The following USP47 variants were observed in gnomAD, a reference collection of about 807,000 sequenced individuals.
USP47 encodes ubiquitin specific peptidase 47, also known as ubiquitin carboxyl-terminal hydrolase 47.
In USP47, 35 loss-of-function variants were observed where a neutral mutation model predicts 165.1. The observed-to-expected ratio is 0.21, with a 90% CI of 0.16 to 0.28. The LOEUF is 0.28. Among genes scored for constraint, USP47 ranks in the 10% least tolerant of loss-of-function variants. The probability of loss-of-function intolerance (pLI) is 1.00; values close to 1 mark genes in which losing one functional copy is unlikely to be tolerated. For synonymous variants in USP47, 531 were observed against 544.5 expected (o/e 0.98, Z 0.35); for missense variants, 1,277 against 1,607.4 (o/e 0.79, Z 3.52).
At chr11:11,928,976 G>A (rs1362569505) in intron 11 of USP47, among the ~76,000 whole-genome samples, 1 of 151,942 alleles carries the variant, frequency 6.6e-6, no homozygotes, top group Non-Finnish European at 1.5e-5. Context: ...TGATATCACA[G>A]ATAATGCATA....
intron 1 of USP47, among the ~76,000 whole-genome samples, chr11:11,857,112 A>G (rs886074174): frequency 3.3e-5 from 5 of 151,992 alleles, no homozygotes; most frequent in Non-Finnish European, 7.4e-5. Context: ...GCTCTGGATT[A>G]TAAACCTAGT....
chr11:11,854,087 A>T (rs1370033020), intron 1 of USP47, among the ~76,000 whole-genome samples: 1 of 144,018 alleles, frequency 6.9e-6, no homozygotes, highest in Non-Finnish European at 1.6e-5. Context: ...GTGAACCGAG[A>T]TCGCACCACT....
chr11:11,939,123 C>A (rs940957406), intron 18 of USP47, among the ~76,000 whole-genome samples: 1 of 151,826 alleles, frequency 6.6e-6, no homozygotes, highest in African/African-American at 2.4e-5. Context: ...ACAATGAAAA[C>A]ATTCAAATTT....
At chr11:11,922,703 A>C (rs777112090) in intron 10 of USP47, 21 bp from the exon 11 acceptor site, 1 of 1,597,128 alleles carries the variant, frequency 6.3e-7, no homozygotes, top group Admixed American at 1.7e-5. Flanking sequence ...TTTATAACTA[A>C]GATAATTATG....
At chr11:11,939,255 A>G (rs766648345) in intron 18 of USP47, among the ~76,000 whole-genome samples, 6 of 152,056 alleles carry the variant, frequency 3.9e-5, no homozygotes, top group Non-Finnish European at 8.8e-5. Flanking sequence ...ACCGTAGGTT[A>G]ATATTCCCTG....
intron 2 of USP47, 39 bp from the exon 3 acceptor site, chr11:11,884,428 G>A (rs1223952690): frequency 4.3e-6 from 6 of 1,410,770 alleles, no homozygotes; most frequent in Non-Finnish European, 5.8e-6. Context: ...CTTATTTTAT[G>A]TTTCTCATAA....
intron 10 of USP47, among the ~76,000 whole-genome samples, chr11:11,921,724 T>C (rs956979029): frequency 1.3e-5 from 2 of 151,842 alleles, no homozygotes; most frequent in Non-Finnish European, 3.0e-5. Context: ...GAAAATTTTT[T>C]CCAAAGAAGG....
intron 8 of USP47, among the ~76,000 whole-genome samples, chr11:11,909,891 T>C (rs1852837563): frequency 6.6e-6 from 1 of 152,176 alleles, no homozygotes; most frequent in Admixed American, 6.5e-5. Flanking sequence ...TTTACACAAG[T>C]TTATATTATA....
chr11:11,904,552 A>G (rs894324872), intron 7 of USP47, among the ~76,000 whole-genome samples: 2 of 152,100 alleles, frequency 1.3e-5, no homozygotes, highest in Non-Finnish European at 2.9e-5. Context: ...TTTCTTCTTC[A>G]TAGATCTGAA....
At position 11,931,979 on chromosome 11, in the gene USP47, C is replaced by T. The variant is rs1044534112; in HGVS notation, c.1652-1025C>T. Among the ~76,000 whole-genome samples the T allele has an allele frequency of 2.0e-5, 3 of 152,210 alleles. No individual in the cohort carries two copies. The South Asian group carries it at 6.2e-4, about 32-fold the overall frequency. The stretch of plus-strand genomic sequence containing the variant: ...CTCACAAATTATATCAGGCTGTCCT[C>T]GCATTGCTATAAAGAAATACCCAAA... On this transcript the variant is annotated intron_variant, in intron 14 of 27. Coordinates refer to ENST00000527733, the MANE Select transcript of USP47 (RefSeq NM_001282659.2).
At chr11:11,876,217 A>G (rs1172651381) in intron 1 of USP47, among the ~76,000 whole-genome samples, 2 of 151,474 alleles carry the variant, frequency 1.3e-5, no homozygotes, top group Non-Finnish European at 2.9e-5. Context: ...AGGCTTTTCT[A>G]AAATTTTACA....
At chr11:11,878,306 GA>G (rs1245266736) in intron 1 of USP47, among the ~76,000 whole-genome samples, 1 of 152,112 alleles carries the variant, frequency 6.6e-6, no homozygotes, top group Non-Finnish European at 1.5e-5. Context: ...CAGCTTATTT[GA>G]AGCTTTAAAA....
chr11:11,920,329 G>GT lies in USP47; in HGVS notation c.1066-10dup. ...TCAATAGACTCTCCCCCTTTTTGTTGTTTGTTTTTTAGGGCCTTCGGTTTT... is the reference window on the plus strand; with the variant it reads ...TCAATAGACTCTCCCCCTTTTTGTTGTTTTGTTTTTTAGGGCCTTCGGTTTT... On this transcript the variant is annotated splice_polypyrimidine_tract_variant and intron_variant, in intron 9 of 27. Transcript: ENST00000527733. The GT allele has an allele frequency of 1.2e-6, 2 of 1,603,156 alleles. No individual in the cohort carries two copies. Among genetic ancestry groups the GT allele is most frequent in the Non-Finnish European group, 1.7e-6 (2 of 1,175,926 alleles).
chr11:11,896,001 CAA>C (rs1851821495), intron 4 of USP47, among the ~76,000 whole-genome samples: 1 of 152,132 alleles, frequency 6.6e-6, no homozygotes, highest in African/African-American at 2.4e-5. Flanking sequence ...TTGATTTAGA[CAA>C]TGCATAATGA....
Position 11,842,234 on chromosome 11 carries a change from C to A in USP47, c.39+10C>A. 1 of 1,552,328 alleles carries A rather than the reference C, an allele frequency of 6.4e-7. No individual in the cohort carries two copies. Among genetic ancestry groups the A allele is most frequent in the South Asian group, 1.2e-5 (1 of 84,094 alleles). ...ACTGGTCCCGAAAGAGGTGAGGGGC[C>A]CCAGAGGAGGTTAGGCCTTAGGCCT... On this transcript the variant is annotated intron_variant, in intron 1 of 27. Transcript: ENST00000527733.
At chr11:11,844,929 A>G (rs1848344147) in intron 1 of USP47, among the ~76,000 whole-genome samples, 1 of 152,204 alleles carries the variant, frequency 6.6e-6, no homozygotes, top group Non-Finnish European at 1.5e-5. Context: ...AGGCATTGGC[A>G]AACCACGGCC....
chr11:11,952,964 C>T (rs1856320569), intron 25 of USP47, 93 bp downstream of exon 25: 4 of 1,010,562 alleles, frequency 4.0e-6, no homozygotes, highest in Non-Finnish European at 3.6e-6. Context: ...TACATTCTTC[C>T]TGTGTTGCGT....
At position 11,850,912 on chromosome 11, in the gene USP47, A is replaced by G. The variant is rs1848690455; in HGVS notation, c.39+8688A>G. Among the ~76,000 whole-genome samples, 10 of 152,360 alleles carry G rather than the reference A, an allele frequency of 6.6e-5. 1 individual carries two copies. In the South Asian group the frequency reaches 2.1e-3, roughly 32 times the overall value. On this transcript the variant is annotated intron_variant, in intron 1 of 27. Coordinates refer to ENST00000527733, the MANE Select transcript of USP47 (RefSeq NM_001282659.2). The stretch of plus-strand genomic sequence containing the variant: ...TGTCCTCACATGGTGGAAGGAGACA[A>G]GGCAGCTCTCTGGGGCCTCTTTTAC...
intron 16 of USP47, among the ~76,000 whole-genome samples, chr11:11,935,495 A>C (rs536438926): frequency 1.1e-4 from 16 of 151,966 alleles, no homozygotes; most frequent in Non-Finnish European, 2.1e-4. Context: ...AACAGAAAAG[A>C]GAAATAAGTC....
Sources: allele counts gnomAD v4.1 joint callset (sites outside exome capture counted in the v4.1 genomes callset), GRCh38; gene constraint gnomAD v4.1.1; transcripts MANE v1.5; gene names NCBI Gene and HGNC (gene_info 2026-07-23, HGNC 2026-07-21).